Variants in SYNJ2BP observed in about 807,000 individuals in gnomAD.
SYNJ2BP encodes the protein synaptojanin-2-binding protein.
SYNJ2BP carries 10 observed loss-of-function variants against 16.9 expected under a neutral mutation model. The ratio of observed to expected loss-of-function variants is 0.59; its 90% CI spans 0.36 to 1.00. SYNJ2BP has a LOEUF of 1.00. Among genes scored for constraint, SYNJ2BP ranks in the 50% least tolerant of loss-of-function variants. The pLI, the probability that SYNJ2BP is intolerant of heterozygous loss-of-function variation, is 0.01. For synonymous variants in SYNJ2BP, 54 were observed against 68.4 expected (o/e 0.79, Z 1.04); for missense variants, 162 against 186.7 (o/e 0.87, Z 0.77).
chr14:70,410,461 T>C (rs1888447486), intron 1 of SYNJ2BP, among the ~76,000 whole-genome samples: 1 of 152,152 alleles, frequency 6.6e-6, no homozygotes, highest in Admixed American at 6.5e-5. Context: ...ATTATATTAT[T>C]ATGATATCTA....
In SYNJ2BP at chr14:70,393,634, A is replaced by T. The variant is rs575133592; in HGVS notation, c.65-5028T>A. On this transcript the variant is annotated intron_variant, in intron 1 of 3. Transcript: ENST00000256366. ...TACTATGCAGCCATAAAAAAGAATG[A>T]GTTCATGTCCTTTGCAGGGATATGG... 4.3e-3 allele frequency among the ~76,000 whole-genome samples: 651 copies of T among 152,350 alleles called. 5 individuals are homozygous for T. The Middle Eastern group carries it at 0.051, about 12-fold the overall frequency.
At chr14:70,384,319 C>T (rs6573958) in intron 2 of SYNJ2BP, among the ~76,000 whole-genome samples, 132,929 of 152,194 alleles carry the variant, frequency 0.87, 58,107 homozygotes, top group East Asian at 0.93. Context: ...GAGAAATAAC[C>T]TATGCGTGGA....
At chr14:70,388,369 A>G in intron 2 of SYNJ2BP, 101 bp downstream of exon 2, 1 of 1,382,072 alleles carries the variant, frequency 7.2e-7, no homozygotes, top group Non-Finnish European at 9.4e-7. Flanking sequence ...CAACCTGTAT[A>G]TTTCCAGATC....
intron 1 of SYNJ2BP, among the ~76,000 whole-genome samples, chr14:70,401,719 T>C (rs1054194894): frequency 6.6e-6 from 1 of 152,104 alleles, no homozygotes; most frequent in Non-Finnish European, 1.5e-5. Flanking sequence ...CACAGCTCAC[T>C]GCAGCCTCAA....
chr14:70,395,789 T>C (rs1888076801), intron 1 of SYNJ2BP, among the ~76,000 whole-genome samples: 2 of 152,164 alleles, frequency 1.3e-5, no homozygotes, highest in African/African-American at 2.4e-5. Context: ...TAGCTCCTTA[T>C]TCTCCCCTCC....
rs1359740434 is a variant in SYNJ2BP at position 70,392,542 on chromosome 14, G to A, written c.65-3936C>T. Among the ~76,000 whole-genome samples, 8 of 152,154 alleles carry A rather than the reference G, an allele frequency of 5.3e-5. No homozygotes were observed. The East Asian group carries it at 1.5e-3, about 29-fold the overall frequency. ...CATAGTAGTTGCTCTATTGGGATAA[G>A]GCGCTAGGAGTAGTTGTCAATAAAC... On this transcript the variant is annotated intron_variant, in intron 1 of 3. Transcript: ENST00000256366.
At chr14:70,375,845 A>C in intron 2 of SYNJ2BP, 74 bp from the exon 3 acceptor site, 2 of 1,573,640 alleles carry the variant, frequency 1.3e-6, no homozygotes, top group Non-Finnish European at 1.7e-6. Flanking sequence ...CAAATGGCCA[A>C]ACTTTAAATA....
rs968567733 is a variant in SYNJ2BP at position 70,366,632 on chromosome 14, T to C, written c.*6359A>G. On this transcript the variant is annotated 3_prime_UTR_variant, in exon 4 of 4. Coordinates refer to ENST00000256366, the MANE Select transcript of SYNJ2BP (RefSeq NM_018373.3). ...ATTACCATAGATTTTGATGGCCTCATTAACATAATTAATCCGTAGTGACAT... is the reference window on the plus strand; with the variant it reads ...ATTACCATAGATTTTGATGGCCTCACTAACATAATTAATCCGTAGTGACAT... The C allele has an allele frequency of 6.6e-6, 1 of 152,200 alleles. No individual in the cohort carries two copies. The highest frequency in any genetic ancestry group is 6.5e-5 in the Admixed American group (1 of 15,284). The allele number at this position is 152,200 out of a possible 1,614,324, so 9.4% of individuals were successfully genotyped here. A position where few individuals can be genotyped will look rare whatever the true frequency, so the allele number is the denominator to read the frequency against.
intron 2 of SYNJ2BP, 77 bp downstream of exon 2, chr14:70,388,393 G>A (rs2140832908): frequency 7.2e-7 from 1 of 1,394,036 alleles, no homozygotes; most frequent in Non-Finnish European, 9.4e-7. Flanking sequence ...ATCTTTTCAA[G>A]GAAAAGGGAT....
At chr14:70,412,282 C>T (rs1270896246) in intron 1 of SYNJ2BP, among the ~76,000 whole-genome samples, 1 of 152,064 alleles carries the variant, frequency 6.6e-6, no homozygotes, top group African/African-American at 2.4e-5. Flanking sequence ...ATGGCTACTG[C>T]AGTGGAAAGT....
At chr14:70,397,155 T>C (rs1251877596) in intron 1 of SYNJ2BP, among the ~76,000 whole-genome samples, 1 of 152,202 alleles carries the variant, frequency 6.6e-6, no homozygotes, top group African/African-American at 2.4e-5. Context: ...TTTTTGTACA[T>C]AATGTTAAGG....
At chr14:70,409,432 T>C (rs1180439685) in intron 1 of SYNJ2BP, among the ~76,000 whole-genome samples, 1 of 152,258 alleles carries the variant, frequency 6.6e-6, no homozygotes, top group Admixed American at 6.5e-5. Context: ...ACTTATCACA[T>C]GTAATCATTG....
chr14:70,377,431 A>G (rs1887655777), intron 2 of SYNJ2BP, among the ~76,000 whole-genome samples: 1 of 152,124 alleles, frequency 6.6e-6, no homozygotes, highest in African/African-American at 2.4e-5. Flanking sequence ...AACCGCTTCT[A>G]CTCATTTGCT....
At chr14:70,403,309 C>T (rs1048260027) in intron 1 of SYNJ2BP, among the ~76,000 whole-genome samples, 1 of 152,108 alleles carries the variant, frequency 6.6e-6, no homozygotes, top group African/African-American at 2.4e-5. Context: ...TACTTCACTA[C>T]CAAAATACAT....
At chr14:70,375,420 G>C (rs576613792) in intron 3 of SYNJ2BP, among the ~76,000 whole-genome samples, 1 of 151,866 alleles carries the variant, frequency 6.6e-6, no homozygotes, top group Non-Finnish European at 1.5e-5. Flanking sequence ...GGCTGGTCTC[G>C]AACTCCTGGC....
intron 1 of SYNJ2BP, among the ~76,000 whole-genome samples, chr14:70,399,319 G>T (rs776271343): frequency 2.8e-4 from 43 of 152,206 alleles, no homozygotes; most frequent in Admixed American, 2.0e-4. Flanking sequence ...CCATAGCGCA[G>T]CCCCCAGGGC....
intron 2 of SYNJ2BP, among the ~76,000 whole-genome samples, chr14:70,384,270 A>T (rs565058021): frequency 6.6e-6 from 1 of 152,344 alleles, no homozygotes; most frequent in East Asian, 1.9e-4. Context: ...TATCTAGCAA[A>T]CATTACTAGA....
chr14:70,400,308 T>C (rs1888207891), intron 1 of SYNJ2BP, among the ~76,000 whole-genome samples: 1 of 152,218 alleles, frequency 6.6e-6, no homozygotes, highest in Non-Finnish European at 1.5e-5. Flanking sequence ...ACGATAACCC[T>C]AATTATGATT....
intron 1 of SYNJ2BP, among the ~76,000 whole-genome samples, chr14:70,390,720 T>C (rs1028112333): frequency 1.3e-5 from 2 of 151,568 alleles, no homozygotes; most frequent in Non-Finnish European, 2.9e-5. Flanking sequence ...GTTCTCCCCA[T>C]TGGTGGGAGA....
Sources: gnomAD v4.1 joint callset for allele counts (sites outside exome capture counted in the v4.1 genomes callset) on GRCh38, gnomAD v4.1.1 for gene constraint, MANE v1.5 for transcripts, NCBI Gene and HGNC (gene_info 2026-07-23, HGNC 2026-07-21) for gene names.